Variants in BMS1 observed in about 807,000 individuals in gnomAD.
BMS1 encodes ribosome biogenesis protein BMS1 homolog.
A neutral mutation model predicts 138.7 loss-of-function variants in BMS1; 53 were observed. The observed-to-expected ratio is 0.38, with a 90% CI of 0.31 to 0.48. The LOEUF is 0.48. BMS1 is among the 20% of genes least tolerant of loss of function. The probability of loss-of-function intolerance (pLI) is 0.97; values close to 1 mark genes in which losing one functional copy is unlikely to be tolerated. For synonymous variants in BMS1, 504 were observed against 539.9 expected (o/e 0.93, Z 0.92); for missense variants, 1,360 against 1,565.5 (o/e 0.87, Z 2.22).
chr10:42,801,328 T>C (rs1841870573), intron 12 of BMS1, among the ~76,000 whole-genome samples: 3 of 152,240 alleles, frequency 2.0e-5, no homozygotes, highest in Non-Finnish European at 4.4e-5. Context: ...TAATTACTCA[T>C]TTGCTTTATC....
intron 15 of BMS1, among the ~76,000 whole-genome samples, chr10:42,818,757 C>T (rs187260041): frequency 1.5e-3 from 230 of 152,198 alleles, no homozygotes; most frequent in Non-Finnish European, 2.5e-3. Context: ...TGCCACTTAA[C>T]GCTGTGAGGT....
chr10:42,821,655 C>T (rs540685560), intron 18 of BMS1, among the ~76,000 whole-genome samples: 3 of 142,870 alleles, frequency 2.1e-5, no homozygotes, highest in East Asian at 2.2e-4. Context: ...TGGGTTTAAG[C>T]GGTTCTCCTG....
At chr10:42,800,114 G>A (rs1324951915) in intron 12 of BMS1, among the ~76,000 whole-genome samples, 1 of 152,154 alleles carries the variant, frequency 6.6e-6, no homozygotes, top group Non-Finnish European at 1.5e-5. Context: ...TGTGGCTACT[G>A]AGCTCTTTAA....
rs1589127343 is a variant in BMS1 at position 42,784,564 on chromosome 10, T to C, written c.170T>C (p.Phe57Ser). Residue 57 changes from phenylalanine to serine, a missense_variant, in exon 2 of 23, where the codon TTT becomes TCT. Coordinates refer to ENST00000374518, the MANE Select transcript of BMS1 (RefSeq NM_014753.4). ...TCTGCTGTGCGGATGGCTCGATCCTTTCACAGGTATGTTAGGCTACGGTCT... is the reference window on the plus strand; with the variant it reads ...TCTGCTGTGCGGATGGCTCGATCCTCTCACAGGTATGTTAGGCTACGGTCT... Reference protein sequence around the residue: ...VQSAVRMARSFHRTQDLKTKK... With the variant: ...VQSAVRMARSSHRTQDLKTKK... 1.2e-6 allele frequency: 2 copies of C among 1,610,356 alleles called. No individual in the cohort carries two copies. The highest frequency in any genetic ancestry group is 1.7e-6 in the Non-Finnish European group (2 of 1,178,680).
chr10:42,834,437 A>T lies in BMS1; in HGVS notation c.*3341A>T, dbSNP rs1218038253. 6.6e-6 allele frequency: 1 copy of T among 151,832 alleles called. No individual in the cohort carries two copies. The highest frequency in any genetic ancestry group is 1.5e-5 in the Non-Finnish European group (1 of 68,010). The allele number at this position is 151,832 out of a possible 1,614,324, so 9.4% of individuals were successfully genotyped here. ...TTAATTGCCCTTGGTACCGACTTCT[A>T]GTATCTAGTATTTTGCCAGACTCAG... is the stretch of plus-strand genomic sequence containing the variant. On this transcript the variant is annotated 3_prime_UTR_variant, in exon 23 of 23. Transcript: ENST00000374518.
chr10:42,823,458 CTA>C (rs1842558292), intron 20 of BMS1, 149 bp from the exon 21 acceptor site: 4 of 1,067,098 alleles, frequency 3.7e-6, no homozygotes, highest in Non-Finnish European at 5.2e-6. Context: ...GTTCTGTGAT[CTA>C]TGAGAATAGT....
In BMS1 at chr10:42,796,499, C is replaced by G. The variant is rs61736597; in HGVS notation, c.1255C>G (p.Gln419Glu). The change falls in exon 10 of 23, where the codon CAA (glutamine) becomes GAA (glutamate). Residue 419 changes from glutamine to glutamate, a missense_variant. By Grantham distance (29) the Gln-to-Glu change is conservative (BLOSUM62 2). Around this residue, in one of 3 missense-constraint regions of BMS1, gnomAD observed 697 missense variants for 686.2 expected, o/e 1.02. Coordinates refer to ENST00000374518, the MANE Select transcript of BMS1 (RefSeq NM_014753.4). ...GCTAATGATGCCAAAGGAGGAAAAA[C>G]AAATGGACTTGAACACTGGTCGAAT... ...QGLMMPKEEK[Q>E]MDLNTGRMRR... is the part of the protein sequence containing the mutation. 447 of 1,613,014 alleles carry G rather than the reference C, an allele frequency of 2.8e-4. 1 individual carries two copies. The African/African-American group carries it at 5.3e-3, about 19-fold the overall frequency.
chr10:42,819,310 A>G (rs1229947926), intron 15 of BMS1, among the ~76,000 whole-genome samples: 2 of 152,242 alleles, frequency 1.3e-5, no homozygotes, highest in African/African-American at 4.8e-5. Context: ...GATCATCGAG[A>G]TGCACGTCAG....
rs190265089 is a variant in BMS1, at chr10:42,794,618, C to T, written c.1229+627C>T. Reference sequence around the variant, plus strand: ...GAATGCCTGACAGGTACGAAGTGTTCGCCGAAAGATCACTCCTTTATAATG... The same window carrying T: ...GAATGCCTGACAGGTACGAAGTGTTTGCCGAAAGATCACTCCTTTATAATG... On this transcript the variant is annotated intron_variant, in intron 9 of 22. Transcript: ENST00000374518. Among the ~76,000 whole-genome samples, 719 of 150,710 alleles carry T rather than the reference C, an allele frequency of 4.8e-3. 1 individual carries two copies. The highest frequency in any genetic ancestry group is 8.7e-3 in the Admixed American group (131 of 15,032).
chr10:42,790,255 T>C (rs1196954321), intron 4 of BMS1, 68 bp from the exon 5 acceptor site: 2 of 1,544,840 alleles, frequency 1.3e-6, no homozygotes, highest in Non-Finnish European at 8.9e-7. Flanking sequence ...CCGTGGCCAG[T>C]TGCCAACCCT....
rs765761027 is a variant in BMS1 at position 42,820,242 on chromosome 10, C to T, written c.2587C>T (p.Arg863Cys). The change falls in exon 16 of 23, where the codon CGC becomes TGC. Residue 863 changes from arginine to cysteine, a missense_variant. This residue lies in a region of BMS1 where 425 missense variants were observed against 568.3 expected (regional missense o/e 0.75). Coordinates refer to ENST00000374518, the MANE Select transcript of BMS1 (RefSeq NM_014753.4). ...GEMQKQAQLN[R>C]AEFEDQDDEA... Reference sequence around the variant, plus strand: ...TATTCCCCATCATGTACAGCTGAATCGCGCAGAATTTGAAGATCAAGATGA... The same window carrying T: ...TATTCCCCATCATGTACAGCTGAATTGCGCAGAATTTGAAGATCAAGATGA... The T allele has an allele frequency of 2.7e-5, 44 of 1,611,244 alleles. No homozygotes were observed. The highest frequency in any genetic ancestry group is 8.9e-5 in the East Asian group (4 of 44,900).
At chr10:42,797,619 C>A in intron 11 of BMS1, 96 bp downstream of exon 11, 3 of 1,157,822 alleles carry the variant, frequency 2.6e-6, no homozygotes, top group Non-Finnish European at 2.5e-6. Context: ...TTGTTGACAT[C>A]CATAATTGCT....
chr10:42,787,154 C>T lies in BMS1; in HGVS notation c.368-14C>T, dbSNP rs1355960057. On this transcript the variant is annotated splice_polypyrimidine_tract_variant and intron_variant, in intron 3 of 22. Transcript: ENST00000374518. ...GGTCTTTTTAAAGTAAAATTTTCAT[C>T]TTTTCACTTATAGGTAAAAAGCGCA... is the stretch of plus-strand genomic sequence containing the variant. The T allele has an allele frequency of 1.1e-6, 1 of 926,824 alleles. No homozygotes were observed. The highest frequency in any genetic ancestry group is 1.7e-6 in the Non-Finnish European group (1 of 583,388). The allele number at this position is 926,824 out of a possible 1,614,324, so 57.4% of individuals were successfully genotyped here. A position where few individuals can be genotyped will look rare whatever the true frequency, so the allele number is the denominator to read the frequency against.
chr10:42,827,884 G>C (rs189496159), intron 21 of BMS1, among the ~76,000 whole-genome samples: 2 of 151,936 alleles, frequency 1.3e-5, no homozygotes, highest in African/African-American at 4.8e-5. Context: ...CTTTTCACTG[G>C]GTACTCTTTT....
At chr10:42,800,995 G>C (rs962165498) in intron 12 of BMS1, among the ~76,000 whole-genome samples, 1 of 152,264 alleles carries the variant, frequency 6.6e-6, no homozygotes, top group African/African-American at 2.4e-5. Flanking sequence ...GTAAGAGTCT[G>C]TGCACACCAG....
In BMS1 at chr10:42,796,858, A is replaced by C; in HGVS notation, c.1614A>C (p.Ser538=). 6.2e-7 allele frequency: 1 copy of C among 1,614,222 alleles called. No individual in the cohort carries two copies. Among genetic ancestry groups the C allele is most frequent in the Non-Finnish European group, 8.5e-7 (1 of 1,180,038 alleles). Residue 538 remains serine (S), a synonymous_variant, in exon 10 of 23, where the codon TCA becomes TCC. Transcript: ENST00000374518. ...GCACTGCAGGAGAGAAGGGCATTTCAGGATCAAAGGCTGCTGGAGAAGGTA... is the reference window on the plus strand; with the variant it reads ...GCACTGCAGGAGAGAAGGGCATTTCCGGATCAAAGGCTGCTGGAGAAGGTA... ...EDCTAGEKGI[S]GSKAAGEGSK...
chr10:42,796,507 C>G lies in BMS1; in HGVS notation c.1263C>G (p.Asp421Glu). 1 of 1,614,086 alleles carries G rather than the reference C, an allele frequency of 6.2e-7. No individual in the cohort carries two copies. The highest frequency in any genetic ancestry group is 1.1e-5 in the South Asian group (1 of 91,068). The stretch of plus-strand genomic sequence containing the variant: ...TGCCAAAGGAGGAAAAACAAATGGA[C>G]TTGAACACTGGTCGAATGCGTCGGA... Reference protein sequence around the residue: ...LMMPKEEKQMDLNTGRMRRKA... With the variant: ...LMMPKEEKQMELNTGRMRRKA... Residue 421 changes from aspartate to glutamate, a missense_variant, in exon 10 of 23, where the codon GAC (aspartate) becomes GAG (glutamate). Around this residue, in one of 3 missense-constraint regions of BMS1, gnomAD observed 697 missense variants for 686.2 expected, o/e 1.02. Coordinates refer to ENST00000374518, the MANE Select transcript of BMS1 (RefSeq NM_014753.4).
Position 42,808,579 on chromosome 10 carries a change from G to A in BMS1, c.2329+6361G>A, listed in dbSNP as rs144214660. On this transcript the variant is annotated intron_variant, in intron 13 of 22. Coordinates refer to ENST00000374518, the MANE Select transcript of BMS1 (RefSeq NM_014753.4). ...CTCCCAAAGTGCTGGGATTACAGGCGTGAGCCACCGTGTCGGGCCAAAAGT... is the reference window on the plus strand; with the variant it reads ...CTCCCAAAGTGCTGGGATTACAGGCATGAGCCACCGTGTCGGGCCAAAAGT... Among the ~76,000 whole-genome samples the A allele has an allele frequency of 5.8e-3, 883 of 152,164 alleles. 12 individuals are homozygous for A. Among genetic ancestry groups the A allele is most frequent in the African/African-American group, 0.02 (814 of 41,508 alleles).
In BMS1 at chr10:42,798,593, G is replaced by A. The variant is rs756553792; in HGVS notation, c.2215G>A (p.Val739Met). The A allele has an allele frequency of 6.2e-7, 1 of 1,614,244 alleles. No individual in the cohort carries two copies. Among genetic ancestry groups the A allele is most frequent in the Admixed American group, 1.7e-5 (1 of 60,034 alleles). Residue 739 changes from valine to methionine, a missense_variant, in exon 12 of 23, where the codon GTG (valine) becomes ATG (methionine). Physicochemically the swap from Val to Met is conservative, Grantham distance 21. Around this residue, in one of 3 missense-constraint regions of BMS1, gnomAD observed 697 missense variants for 686.2 expected, o/e 1.02. Coordinates refer to ENST00000374518, the MANE Select transcript of BMS1 (RefSeq NM_014753.4). ...CTCTTTGGACTGCTCCAGATTTCTT[G>A]TGGAGGCCCCCCATGACTGGGATTT... ...ADSLDCSRFL[V>M]EAPHDWDLEE...
Sources: gnomAD v4.1 joint callset for allele counts (sites outside exome capture counted in the v4.1 genomes callset) on GRCh38, gnomAD v4.1.1 for gene constraint, gnomAD v4.1.1 regional missense constraint, MANE v1.5 for transcripts, NCBI Gene and HGNC (gene_info 2026-07-23, HGNC 2026-07-21) for gene names.